Variants in HECTD4 observed in about 807,000 individuals in gnomAD.
HECTD4 encodes probable E3 ubiquitin-protein ligase HECTD4.
A neutral mutation model predicts 471.5 loss-of-function variants in HECTD4; 114 were observed. The observed-to-expected ratio is 0.24, with a 90% CI of 0.21 to 0.28. The LOEUF (loss-of-function observed/expected upper bound fraction) is 0.28, where lower values mean the gene tolerates loss of function less well. HECTD4 is among the 10% of genes least tolerant of loss of function. The probability of loss-of-function intolerance (pLI) is 1.00; values close to 1 mark genes in which losing one functional copy is unlikely to be tolerated. For synonymous variants in HECTD4, 2,012 were observed against 2,256.0 expected, an observed-to-expected ratio of 0.89 and a Z score of 3.07; for missense variants, 3,866 against 5,651.5, an observed-to-expected ratio of 0.68 and a Z score of 10.13.
chr12:112,275,936 T>G (rs2034517078), intron 9 of HECTD4, among the ~76,000 whole-genome samples: 1 of 152,218 alleles, frequency 6.6e-6, no homozygotes, highest in Admixed American at 6.5e-5. Context: ...TCTTTATGGC[T>G]TAAACTCAAA....
In HECTD4 at chr12:112,178,913, G is replaced by A. The variant is rs1489244975; in HGVS notation, c.11363+18C>T. On this transcript the variant is annotated intron_variant, in intron 64 of 75. Coordinates refer to ENST00000682272, the MANE Select transcript of HECTD4 (RefSeq NM_001388303.1). ...TCTGCCCACAGGCTGGGCTGCCCAG[G>A]CTCCTTGGGGCACGCACCTGACGCT... is the stretch of plus-strand genomic sequence containing the variant. 1.3e-6 allele frequency: 2 copies of A among 1,595,238 alleles called. No individual in the cohort carries two copies. The highest frequency in any genetic ancestry group is 2.2e-5 in the East Asian group (1 of 44,498).
At position 112,160,237 on chromosome 12, in the gene HECTD4, A is replaced by T. The variant is rs1256279893; in HGVS notation, c.*2150T>A. On this transcript the variant is annotated 3_prime_UTR_variant, in exon 76 of 76. Coordinates refer to ENST00000682272, the MANE Select transcript of HECTD4 (RefSeq NM_001388303.1). ...AATTCCTAGCCACTTGGCAGCACTT[A>T]AATATCAGAGCCATCCAAGCATGCC... The T allele has an allele frequency of 6.6e-6, 1 of 152,204 alleles. No homozygotes were observed. Among genetic ancestry groups the T allele is most frequent in the Non-Finnish European group, 1.5e-5 (1 of 68,026 alleles). 9.4% of individuals were successfully genotyped at this position (152,204 alleles called of 1,614,324 possible).
intron 13 of HECTD4, among the ~76,000 whole-genome samples, chr12:112,267,880 G>C (rs2135614835): frequency 6.6e-6 from 1 of 152,282 alleles, no homozygotes; most frequent in Middle Eastern, 3.4e-3. Flanking sequence ...GAGTGCAGTG[G>C]TGTGATCTCA....
At chr12:112,190,999 T>A in intron 59 of HECTD4, 34 bp from the exon 60 acceptor site, 1 of 1,514,074 alleles carries the variant, frequency 6.6e-7, no homozygotes, top group Non-Finnish European at 8.9e-7. Context: ...AGCAGATGAT[T>A]GGCAGCACCT....
chr12:112,249,968 G>GC (rs2033844142), intron 25 of HECTD4, 176 bp downstream of exon 25: 6 of 603,376 alleles, frequency 9.9e-6, no homozygotes, highest in African/African-American at 3.7e-5. Flanking sequence ...AATTTTGAGA[G>GC]CCCCTAGTCT....
At chr12:112,170,890 C>T (rs1328620676) in intron 68 of HECTD4, 4 of 518,874 alleles carry the variant, frequency 7.7e-6, no homozygotes, top group Non-Finnish European at 1.3e-5. Flanking sequence ...ATTTGAAAAC[C>T]TTAAAAATAA....
In HECTD4 at chr12:112,251,104, G is replaced by A. The variant is rs939916607; in HGVS notation, c.3583C>T (p.Pro1195Ser). The change falls in exon 24 of 76, where the codon CCC becomes TCC. Residue 1195 changes from proline to serine, a missense_variant. Pro to Ser is a moderately conservative substitution (Grantham distance 74, BLOSUM62 -1). Around this residue, in one of 16 missense-constraint regions of HECTD4, gnomAD observed 281 missense variants for 499.9 expected, o/e 0.56. Transcript: ENST00000682272. ...CCTAAAGCCAGGTCTACCAGAAAGG[G>A]CAAGCCTCCTGAGACATCCTCCGAA... ...ESSEDVSGGL[P>S]FLVDLALGLS... is the part of the protein sequence containing the mutation. 1 of 1,613,864 alleles carries A rather than the reference G, an allele frequency of 6.2e-7. No individual in the cohort carries two copies. Among genetic ancestry groups the A allele is most frequent in the Non-Finnish European group, 8.5e-7 (1 of 1,179,884 alleles).
At chr12:112,186,683 T>C (rs957402848) in intron 60 of HECTD4, among the ~76,000 whole-genome samples, 3 of 149,396 alleles carry the variant, frequency 2.0e-5, no homozygotes, top group Admixed American at 2.0e-4. Context: ...TTTTTTTAAA[T>C]TGAGACAGAG....
rs375162265 is a variant in HECTD4, at chr12:112,183,285, G to A, written c.10780-19C>T. 1.7e-5 allele frequency: 27 copies of A among 1,598,532 alleles called. No homozygotes were observed. Among genetic ancestry groups the A allele is most frequent in the Non-Finnish European group, 2.2e-5 (26 of 1,167,972 alleles). Reference sequence around the variant, plus strand: ...ATCTTATCTGTGTGAACAGAGAACAGGGTCAGGATTTGAGTAGCTTGACCA... The same window carrying A: ...ATCTTATCTGTGTGAACAGAGAACAAGGTCAGGATTTGAGTAGCTTGACCA... On this transcript the variant is annotated intron_variant, in intron 61 of 75. Coordinates refer to ENST00000682272, the MANE Select transcript of HECTD4 (RefSeq NM_001388303.1).
chr12:112,226,659 G>C lies in HECTD4; in HGVS notation c.6954C>G (p.Ala2318=). 6.2e-7 allele frequency: 1 copy of C among 1,610,362 alleles called. No individual in the cohort carries two copies. The highest frequency in any genetic ancestry group is 8.5e-7 in the Non-Finnish European group (1 of 1,177,918). ...GGTACTCACCAGCACTACATTCCTG[G>C]GCTACTAGGTTAAGAACTTCAACAG... ...PAAVEVLNLV[A]QECSAGERLA... The change falls in exon 44 of 76, where the codon GCC becomes GCG. Residue 2318 remains alanine (A), a synonymous_variant. Transcript: ENST00000682272.
intron 1 of HECTD4, among the ~76,000 whole-genome samples, chr12:112,349,388 C>CAAAAAAAAAAAAAAAAAAAAAAAAAA (rs60480485): frequency 7.3e-5 from 4 of 54,716 alleles, no homozygotes; most frequent in East Asian, 5.1e-4. Flanking sequence ...ACTCTTGCTC[C>CAAAAAAAAAAAAAAAAAAAAAAAAAA]AAAAAAAAAA....
Position 112,210,175 on chromosome 12 carries a change from G to A in HECTD4, c.7707C>T (p.Asp2569=), listed in dbSNP as rs770512835. 1 of 1,614,068 alleles carries A rather than the reference G, an allele frequency of 6.2e-7. No homozygotes were observed. Among genetic ancestry groups the A allele is most frequent in the East Asian group, 2.2e-5 (1 of 44,892 alleles). Residue 2569 remains aspartate, a synonymous_variant, in exon 50 of 76, where the codon GAC becomes GAT. Coordinates refer to ENST00000682272, the MANE Select transcript of HECTD4 (RefSeq NM_001388303.1). The part of the protein sequence containing the change: ...AEGQAHRNAA[D]LCTDLAEEIS... ...TCTCTTCTGCTAGGTCAGTGCACAGGTCAGCAGCATTGCGGTGGGCCTGCC... is the reference window on the plus strand; with the variant it reads ...TCTCTTCTGCTAGGTCAGTGCACAGATCAGCAGCATTGCGGTGGGCCTGCC...
chr12:112,172,644 G>C (rs765897016), intron 67 of HECTD4, 27 bp downstream of exon 67: 4 of 1,607,610 alleles, frequency 2.5e-6, no homozygotes, highest in African/African-American at 2.7e-5. Flanking sequence ...AGGCAGCAGG[G>C]GAGGGGATAG....
intron 66 of HECTD4, among the ~76,000 whole-genome samples, chr12:112,175,161 A>T (rs1472836837): frequency 1.3e-5 from 2 of 152,252 alleles, no homozygotes; most frequent in Non-Finnish European, 2.9e-5. Flanking sequence ...GTGTCCTCCC[A>T]GTCCCCGAAC....
intron 68 of HECTD4, 146 bp from the exon 69 acceptor site, chr12:112,170,598 T>A: frequency 1.0e-6 from 1 of 975,222 alleles, no homozygotes; most frequent in Non-Finnish European, 1.5e-6. Flanking sequence ...GAGGGTGGTG[T>A]GTCAGCATCC....
At chr12:112,204,352 G>T in intron 53 of HECTD4, 134 bp downstream of exon 53, 1 of 856,786 alleles carries the variant, frequency 1.2e-6, no homozygotes, top group Non-Finnish European at 1.8e-6. Context: ...ATGGGGCGGT[G>T]TGGAAGAGGT....
At chr12:112,379,345 G>A (rs1365010936) in intron 1 of HECTD4, among the ~76,000 whole-genome samples, 1 of 152,150 alleles carries the variant, frequency 6.6e-6, no homozygotes, top group Non-Finnish European at 1.5e-5. Flanking sequence ...GCTCTTTTGA[G>A]AATTTAATAA....
chr12:112,176,018 C>T (rs2031430106), intron 65 of HECTD4, among the ~76,000 whole-genome samples, 159 bp from the exon 66 acceptor site: 1 of 152,244 alleles, frequency 6.6e-6, no homozygotes, highest in African/African-American at 2.4e-5. Context: ...GCCATTGTGA[C>T]CCACTGCGCA....
At chr12:112,274,599 C>T (rs2034486548) in intron 10 of HECTD4, among the ~76,000 whole-genome samples, 1 of 152,088 alleles carries the variant, frequency 6.6e-6, no homozygotes, top group Admixed American at 6.5e-5. Flanking sequence ...CCCAGTTACT[C>T]AGGAGGCTGA....
Sources: gnomAD v4.1 joint callset for allele counts (sites outside exome capture counted in the v4.1 genomes callset) on GRCh38, gnomAD v4.1.1 for gene constraint, gnomAD v4.1.1 regional missense constraint, MANE v1.5 for transcripts, NCBI Gene and HGNC (gene_info 2026-07-23, HGNC 2026-07-21) for gene names.